The following HERC1 variants were observed in gnomAD, a reference collection of about 807,000 sequenced individuals.
The protein encoded by HERC1 is HECT and RLD domain containing E3 ubiquitin protein ligase family member 1, also known as probable E3 ubiquitin-protein ligase HERC1.
Under a neutral mutation model 554.3 loss-of-function variants are expected in HERC1, and 160 were observed. The observed-to-expected ratio is 0.29, with a 90% confidence interval of 0.25 to 0.33. The LOEUF (loss-of-function observed/expected upper bound fraction) is 0.33. HERC1 is among the 10% of genes least tolerant of loss of function. The probability of loss-of-function intolerance (pLI) is 1.00; values close to 1 mark genes in which losing one functional copy is unlikely to be tolerated. For synonymous variants in HERC1, 2,175 were observed against 2,131.7 expected, an observed-to-expected ratio of 1.02 and a Z score of -0.56; for missense variants, 4,919 against 5,918.5, an observed-to-expected ratio of 0.83 and a Z score of 5.54.
intron 36 of HERC1, 109 bp downstream of exon 36, chr15:63,679,963 TAAGTC>T: frequency 3.2e-6 from 2 of 630,636 alleles, no homozygotes. Flanking sequence ...ATGGATTACC[TAAGTC>T]AAGTACTTTT....
At position 63,696,313 on chromosome 15, in the gene HERC1, G is replaced by C. The variant is rs1412843963; in HGVS notation, c.4932C>G (p.Ile1644Met). The change falls in exon 27 of 78, where the codon ATC becomes ATG. Residue 1644 changes from isoleucine to methionine, a missense_variant. Physicochemically the swap from Ile to Met is conservative, Grantham distance 10. This residue lies in a region of HERC1 where 1,121 missense variants were observed against 1,244.0 expected (regional missense o/e 0.90). Coordinates refer to ENST00000443617, the MANE Select transcript of HERC1 (RefSeq NM_003922.4). The stretch of plus-strand genomic sequence containing the variant: ...CTTCCATCCCAGACAATAGAACGAG[G>C]ATCTGATGAAGTGCCTCTAAACGAA... Reference protein sequence around the residue: ...AELRLEALHQILVLLSGMEEK... With the variant: ...AELRLEALHQMLVLLSGMEEK... 2 of 1,612,472 alleles carry C rather than the reference G, an allele frequency of 1.2e-6. No individual in the cohort carries two copies. Among genetic ancestry groups the C allele is most frequent in the South Asian group, 2.2e-5 (2 of 90,622 alleles).
At chr15:63,690,918 C>T (rs2072068810) in intron 31 of HERC1, among the ~76,000 whole-genome samples, 1 of 152,074 alleles carries the variant, frequency 6.6e-6, no homozygotes, top group Admixed American at 6.5e-5. Context: ...CTACACATTT[C>T]ACACACATAC....
Position 63,616,609 on chromosome 15 carries a change from C to T in HERC1, c.13762G>A (p.Val4588Ile). 2 of 1,613,860 alleles carry T rather than the reference C, an allele frequency of 1.2e-6. No homozygotes were observed. Among genetic ancestry groups the T allele is most frequent in the Non-Finnish European group, 8.5e-7 (1 of 1,179,866 alleles). The change falls in exon 75 of 78, where the codon GTT becomes ATT. Residue 4588 changes from valine (V) to isoleucine (I), a missense_variant. Around this residue, in one of 11 missense-constraint regions of HERC1, gnomAD observed 284 missense variants for 294.1 expected, o/e 0.97. Transcript: ENST00000443617. The part of the protein sequence containing the change: ...QFKFLGILMG[V>I]AIRTKKPLDL... Reference sequence around the variant, plus strand: ...AGAGGCTTCTTTGTGCGAATGGCAACCCCCATTAAAATTCCTAAAAACTTA... The same window carrying T: ...AGAGGCTTCTTTGTGCGAATGGCAATCCCCATTAAAATTCCTAAAAACTTA...
rs369029117 is a variant in HERC1 at position 63,626,055 on chromosome 15, C to T, written c.13205G>A (p.Arg4402Gln). The change falls in exon 71 of 78, where the codon CGG becomes CAG. Residue 4402 changes from arginine to glutamine, a missense_variant. By Grantham distance (43) the Arg-to-Gln change is conservative (BLOSUM62 1). Coordinates refer to ENST00000443617, the MANE Select transcript of HERC1 (RefSeq NM_003922.4). ...GAGGTCAGAGAAGTGGTAGAGCAGC[C>T]GGAGCCTGGCCCGCACCGTGTGAAT... ...VSIHTVRARL[R>Q]LLYHFSDLMY... is the part of the protein sequence containing the mutation. 9 of 1,612,864 alleles carry T rather than the reference C, an allele frequency of 5.6e-6. No individual in the cohort carries two copies. Among genetic ancestry groups the T allele is most frequent in the Admixed American group, 5.0e-5 (3 of 59,866 alleles).
rs1462869542 is a variant in HERC1 at position 63,656,071 on chromosome 15, T to C, written c.9870+17A>G. On this transcript the variant is annotated intron_variant, in intron 49 of 77. Transcript: ENST00000443617. ...AAATAATCAATGTAACGGGGAAAAG[T>C]ACTGAAAGTAGCTTACCTGTGTACA... 9 of 1,608,518 alleles carry C rather than the reference T, an allele frequency of 5.6e-6. No individual in the cohort carries two copies. The highest frequency in any genetic ancestry group is 6.8e-6 in the Non-Finnish European group (8 of 1,175,790).
chr15:63,610,458 A>T (rs906963496), intron 77 of HERC1, among the ~76,000 whole-genome samples: 5 of 152,234 alleles, frequency 3.3e-5, no homozygotes, highest in African/African-American at 1.2e-4. Flanking sequence ...ATTAACTCCT[A>T]GAACGGCAGG....
At chr15:63,722,468 CT>C (rs2140555676) in intron 19 of HERC1, among the ~76,000 whole-genome samples, 1 of 152,290 alleles carries the variant, frequency 6.6e-6, no homozygotes, top group East Asian at 1.9e-4. Flanking sequence ...CATGATCTTG[CT>C]TTTCATGGTT....
chr15:63,643,299 GA>G (rs2069163369), intron 58 of HERC1, 104 bp downstream of exon 58: 21 of 1,007,000 alleles, frequency 2.1e-5, no homozygotes, highest in Non-Finnish European at 3.0e-5. Context: ...CAGTATTCAA[GA>G]GATTACTATA....
intron 2 of HERC1, among the ~76,000 whole-genome samples, chr15:63,773,991 TA>T (rs893769407): frequency 6.6e-6 from 1 of 152,214 alleles, no homozygotes; most frequent in Non-Finnish European, 1.5e-5. Context: ...GTCAAATAAT[TA>T]ATTTCCTCTG....
intron 24 of HERC1, among the ~76,000 whole-genome samples, chr15:63,710,938 GC>G (rs948364690): frequency 2.0e-5 from 3 of 152,204 alleles, no homozygotes; most frequent in Non-Finnish European, 4.4e-5. Flanking sequence ...ACCATGAAGA[GC>G]CTATAGACCC....
intron 1 of HERC1, among the ~76,000 whole-genome samples, chr15:63,810,164 A>G (rs1427590580): frequency 1.3e-5 from 2 of 152,258 alleles, no homozygotes; most frequent in South Asian, 2.1e-4. Flanking sequence ...CACCCACATC[A>G]AAGTATACAT....
intron 24 of HERC1, among the ~76,000 whole-genome samples, chr15:63,709,585 A>G (rs2073189607): frequency 6.6e-6 from 1 of 152,236 alleles, no homozygotes; most frequent in Non-Finnish European, 1.5e-5. Flanking sequence ...TGTACAGGTC[A>G]AAGTCCATGG....
rs1434707573 is a variant in HERC1, at chr15:63,754,429, A to G, written c.1774+76T>C. 43 of 1,138,604 alleles carry G rather than the reference A, an allele frequency of 3.8e-5. No individual in the cohort carries two copies. The East Asian group carries it at 1.0e-3, about 27-fold the overall frequency. The allele number at this position is 1,138,604 out of a possible 1,614,324, so 70.5% of individuals were successfully genotyped here. On this transcript the variant is annotated intron_variant, in intron 7 of 77. Coordinates refer to ENST00000443617, the MANE Select transcript of HERC1 (RefSeq NM_003922.4). ...GTATTTGAGTCATTCTACACTAGGC[A>G]TATATAACTGAAAAATAAATTTTTA...
chr15:63,763,946 A>AC, intron 3 of HERC1, 150 bp downstream of exon 3: 1 of 221,722 alleles, frequency 4.5e-6, no homozygotes, highest in Non-Finnish European at 8.1e-6. Flanking sequence ...CCCCCACCCT[A>AC]GATACCCAGT....
At position 63,727,025 on chromosome 15, in the gene HERC1, C is replaced by T. The variant is rs1020236189; in HGVS notation, c.3346+622G>A. Among the ~76,000 whole-genome samples, 2 of 151,960 alleles carry T rather than the reference C, an allele frequency of 1.3e-5. No homozygotes were observed. Among genetic ancestry groups the T allele is most frequent in the Non-Finnish European group, 2.9e-5 (2 of 68,014 alleles). Reference sequence around the variant, plus strand: ...AGGGGCGGTGGCTCCCGTCTGTAATCCCAGCATTTTGGGAGGCTGAGGTGG... The same window carrying T: ...AGGGGCGGTGGCTCCCGTCTGTAATTCCAGCATTTTGGGAGGCTGAGGTGG... On this transcript the variant is annotated intron_variant, in intron 17 of 77. Coordinates refer to ENST00000443617, the MANE Select transcript of HERC1 (RefSeq NM_003922.4). The surrounding 1 kb of genome is among the most constrained non-coding windows in gnomAD (Gnocchi z 4.3).
rs186404292 is a variant in HERC1 at position 63,722,395 on chromosome 15, C to A, written c.3742+787G>T. Reference sequence around the variant, plus strand: ...CCATGGCTTGCAAAGGGAAGATAATCGTTAAACAGACTCTTAAAATAGATC... The same window carrying A: ...CCATGGCTTGCAAAGGGAAGATAATAGTTAAACAGACTCTTAAAATAGATC... On this transcript the variant is annotated intron_variant, in intron 19 of 77. Transcript: ENST00000443617. Among the ~76,000 whole-genome samples, 323 of 152,274 alleles carry A rather than the reference C, an allele frequency of 2.1e-3. 3 individuals carry two copies. Among genetic ancestry groups the A allele is most frequent in the African/African-American group, 6.9e-3 (288 of 41,548 alleles).
chr15:63,704,786 T>C (rs946943085), intron 25 of HERC1, among the ~76,000 whole-genome samples: 1 of 147,058 alleles, frequency 6.8e-6, no homozygotes, highest in Non-Finnish European at 1.5e-5. Flanking sequence ...TCGCCCAGGC[T>C]GGAGTGCAGT....
chr15:63,772,052 G>C (rs1177606841), intron 2 of HERC1, among the ~76,000 whole-genome samples: 2 of 151,918 alleles, frequency 1.3e-5, no homozygotes, highest in African/African-American at 4.8e-5. Context: ...AACCCGGGAG[G>C]TGGAGGTTGC....
intron 43 of HERC1, among the ~76,000 whole-genome samples, chr15:63,664,141 T>C (rs2070494403): frequency 6.6e-6 from 1 of 152,182 alleles, no homozygotes; most frequent in Admixed American, 6.5e-5. Flanking sequence ...TTCTTACCAC[T>C]GATGCTAAAC....
Sources: allele counts gnomAD v4.1 joint callset (sites outside exome capture counted in the v4.1 genomes callset), GRCh38; gene constraint gnomAD v4.1.1; regional missense constraint gnomAD v4.1.1; non-coding constraint Gnocchi (gnomAD v3.1); transcripts MANE v1.5; gene names NCBI Gene and HGNC (gene_info 2026-07-23, HGNC 2026-07-21).